TRPC6: variants seen among roughly 807,000 people sequenced by gnomAD.
TRPC6 encodes transient receptor potential cation channel subfamily C member 6.
Under a neutral mutation model 90.7 loss-of-function variants are expected in TRPC6, and 55 were observed. The observed-to-expected ratio is 0.61, with a 90% CI of 0.49 to 0.76. The LOEUF is 0.76. Ranked by LOEUF, TRPC6 falls within the 30% of genes least tolerant of loss-of-function variation. The probability of loss-of-function intolerance (pLI) is 0.00; values close to 1 mark genes in which losing one functional copy is unlikely to be tolerated. For missense variants in TRPC6, 989 were observed against 1,122.7 expected (o/e 0.88, Z 1.70); for synonymous variants, 393 against 393.0 (o/e 1.00, Z 0.00).
intron 3 of TRPC6, among the ~76,000 whole-genome samples, chr11:101,489,545 CT>C (rs1159834131): frequency 1.3e-5 from 2 of 152,080 alleles, no homozygotes; most frequent in African/African-American, 4.8e-5. Flanking sequence ...GTATATGGCT[CT>C]GTCTCTGGAC....
intron 1 of TRPC6, among the ~76,000 whole-genome samples, chr11:101,534,155 T>C (rs996077220): frequency 6.6e-6 from 1 of 152,062 alleles, no homozygotes; most frequent in South Asian, 2.1e-4. Flanking sequence ...TCTCTCTTTC[T>C]GATGGAGTCT....
rs747283143 is a variant in TRPC6, at chr11:101,491,628, C to T, written c.1056G>A (p.Thr352=). 6 of 1,613,818 alleles carry T rather than the reference C, an allele frequency of 3.7e-6. No individual in the cohort carries two copies. Among genetic ancestry groups the T allele is most frequent in the East Asian group, 2.2e-5 (1 of 44,864 alleles). ...GGCGACCGTGATCACCACTCTGGAG[C>T]GTTTCAACATCCCCATTCAGAATGG... ...VEAILNGDVE[T]LQSGDHGRPN... The change falls in exon 3 of 13, where the codon ACG becomes ACA. Residue 352 remains threonine (T), a synonymous_variant. Transcript: ENST00000344327.
intron 2 of TRPC6, among the ~76,000 whole-genome samples, chr11:101,493,506 C>A (rs997693518): frequency 6.6e-6 from 1 of 152,144 alleles, no homozygotes; most frequent in African/African-American, 2.4e-5. Context: ...AGCTTTAAAC[C>A]TAAATCTGCT....
intron 1 of TRPC6, among the ~76,000 whole-genome samples, chr11:101,557,630 A>ACAC (rs1555012426): frequency 1.3e-5 from 2 of 151,024 alleles, no homozygotes; most frequent in African/African-American, 2.4e-5. Flanking sequence ...ACACACACAC[A>ACAC]AAAAAAAACC....
chr11:101,528,958 A>C (rs952999721), intron 1 of TRPC6, among the ~76,000 whole-genome samples: 2 of 152,060 alleles, frequency 1.3e-5, no homozygotes, highest in African/African-American at 4.8e-5. Flanking sequence ...TAATGAATGC[A>C]CAGCCACATT....
intron 2 of TRPC6, among the ~76,000 whole-genome samples, chr11:101,501,897 T>C (rs1860135763): frequency 6.6e-6 from 1 of 152,180 alleles, no homozygotes; most frequent in South Asian, 2.1e-4. Context: ...TTTTTGAAAG[T>C]GATTTTTAAA....
intron 1 of TRPC6, among the ~76,000 whole-genome samples, chr11:101,521,399 G>A (rs1000227202): frequency 1.1e-4 from 17 of 152,258 alleles, no homozygotes; most frequent in African/African-American, 3.6e-4. Context: ...AGAGGCAAGA[G>A]TTGAGGCTTG....
At chr11:101,508,178 A>G (rs1307114787) in intron 1 of TRPC6, among the ~76,000 whole-genome samples, 1 of 152,060 alleles carries the variant, frequency 6.6e-6, no homozygotes, top group Non-Finnish European at 1.5e-5. Context: ...CAATTTAGAG[A>G]ACTTACTCCT....
At position 101,554,915 on chromosome 11, in the gene TRPC6, C is replaced by T. The variant is rs563926327; in HGVS notation, c.170+28419G>A. ...TGACTCCCTTCCCTCTCTGTCCTCT[C>T]TAAGTTTGTCTTGCTCTCTATGCCT... is the stretch of plus-strand genomic sequence containing the variant. On this transcript the variant is annotated intron_variant, in intron 1 of 12. Coordinates refer to ENST00000344327, the MANE Select transcript of TRPC6 (RefSeq NM_004621.6). Among the ~76,000 whole-genome samples the T allele has an allele frequency of 2.0e-5, 3 of 152,180 alleles. No homozygotes were observed. The South Asian group carries it at 6.2e-4, about 32-fold the overall frequency.
At position 101,565,800 on chromosome 11, in the gene TRPC6, A is replaced by AT. The variant is rs145498928; in HGVS notation, c.170+17533dup. On this transcript the variant is annotated intron_variant, in intron 1 of 12. Transcript: ENST00000344327. ...AAATAGCATAATTTTTTAATCTCAT[A>AT]TGTTTGTTCTTGGATAAATACACAG... Among the ~76,000 whole-genome samples, 267 of 152,174 alleles carry AT rather than the reference A, an allele frequency of 1.8e-3. 1 individual carries two copies. Among genetic ancestry groups the AT allele is most frequent in the Middle Eastern group, 6.8e-3 (2 of 294 alleles).
intron 1 of TRPC6, among the ~76,000 whole-genome samples, chr11:101,555,047 A>G (rs543121201): frequency 3.9e-4 from 60 of 152,288 alleles, no homozygotes; most frequent in African/African-American, 1.3e-3. Flanking sequence ...GTGCTATGAC[A>G]CTGCGGTCTG....
At chr11:101,514,886 A>T (rs1490477219) in intron 1 of TRPC6, among the ~76,000 whole-genome samples, 1 of 152,202 alleles carries the variant, frequency 6.6e-6, no homozygotes, top group African/African-American at 2.4e-5. Flanking sequence ...AACTTGAGAA[A>T]ACTTTGGGGG....
rs978569613 is a variant in TRPC6 at position 101,452,267 on chromosome 11, T to C, written c.*688A>G. On this transcript the variant is annotated 3_prime_UTR_variant, in exon 13 of 13. Coordinates refer to ENST00000344327, the MANE Select transcript of TRPC6 (RefSeq NM_004621.6). ...AACTAGGGCAAGTACTTTATGTCTG[T>C]GTGTACACATTTACACACACGCACA... The C allele has an allele frequency of 6.6e-6, 1 of 151,728 alleles. No individual in the cohort carries two copies. Among genetic ancestry groups the C allele is most frequent in the African/African-American group, 2.4e-5 (1 of 40,978 alleles). 9.4% of individuals were successfully genotyped at this position (151,728 alleles called of 1,614,324 possible).
chr11:101,540,212 T>C (rs1489307018), intron 1 of TRPC6, among the ~76,000 whole-genome samples: 1 of 152,204 alleles, frequency 6.6e-6, no homozygotes. Context: ...CAGAGAAGAC[T>C]GCCTGAGGCC....
At chr11:101,499,097 G>A (rs1415469734) in intron 2 of TRPC6, among the ~76,000 whole-genome samples, 1 of 152,098 alleles carries the variant, frequency 6.6e-6, no homozygotes, top group Non-Finnish European at 1.5e-5. Context: ...AAGAATGAAC[G>A]CTTCTTGAGT....
intron 1 of TRPC6, among the ~76,000 whole-genome samples, chr11:101,575,234 C>A (rs1862047169): frequency 6.6e-6 from 1 of 152,144 alleles, no homozygotes; most frequent in Non-Finnish European, 1.5e-5. Flanking sequence ...AAAGCCTTGC[C>A]TTTTGCAATC....
intron 5 of TRPC6, among the ~76,000 whole-genome samples, chr11:101,480,988 C>G (rs530880556): frequency 1.1e-3 from 164 of 152,252 alleles, no homozygotes; most frequent in Non-Finnish European, 1.9e-3. Flanking sequence ...ATACAATTCA[C>G]ATTTTATGCC....
intron 1 of TRPC6, among the ~76,000 whole-genome samples, chr11:101,511,656 G>A (rs187270556): frequency 5.3e-4 from 81 of 152,234 alleles, no homozygotes; most frequent in African/African-American, 1.9e-3. Flanking sequence ...GCATCCTTGT[G>A]ACTTGTTCAT....
In TRPC6 at chr11:101,516,354, G is replaced by T. The variant is rs116452888; in HGVS notation, c.171-11556C>A. Among the ~76,000 whole-genome samples the T allele has an allele frequency of 3.6e-3, 548 of 152,126 alleles. 3 individuals are homozygous for T. Among genetic ancestry groups the T allele is most frequent in the African/African-American group, 0.012 (517 of 41,500 alleles). On this transcript the variant is annotated intron_variant, in intron 1 of 12. Transcript: ENST00000344327. Reference sequence around the variant, plus strand: ...ATGCTGAAAAGAACTACAATTTTAAGATTAATAACAAAATTAACACCATTT... The same window carrying T: ...ATGCTGAAAAGAACTACAATTTTAATATTAATAACAAAATTAACACCATTT...
Sources: allele counts gnomAD v4.1 joint callset (sites outside exome capture counted in the v4.1 genomes callset), GRCh38; gene constraint gnomAD v4.1.1; transcripts MANE v1.5; gene names NCBI Gene and HGNC (gene_info 2026-07-23, HGNC 2026-07-21).